Variants in SESN3 observed in about 807,000 individuals in gnomAD.
SESN3 encodes sestrin-3.
In SESN3, 21 loss-of-function variants were observed where a neutral mutation model predicts 55.3. That is an observed-to-expected ratio of 0.38 (90% CI 0.27 to 0.55). SESN3 has a LOEUF of 0.55. SESN3 is among the 20% of genes least tolerant of loss of function. SESN3 has a pLI of 0.76. For missense variants in SESN3, 408 were observed against 604.3 expected (o/e 0.68, Z 3.41); for synonymous variants, 181 against 203.1 (o/e 0.89, Z 0.93).
upstream of SESN3, chr11:95,231,935 T>C (rs1156270215): frequency 2.0e-5 from 3 of 152,204 alleles, no homozygotes; most frequent in East Asian, 5.8e-4. Flanking sequence ...ACAAAACCTC[T>C]GGTTTAGCGG....
Position 95,230,843 on chromosome 11 carries a change from G to A in SESN3, c.18C>T (p.Gly6=), listed in dbSNP as rs1461556384. 3.8e-6 allele frequency: 6 copies of A among 1,576,814 alleles called. No individual in the cohort carries two copies. The highest frequency in any genetic ancestry group is 4.3e-6 in the Non-Finnish European group (5 of 1,165,744). The change falls in exon 1 of 10, where the codon GGC becomes GGT. Residue 6 remains glycine (G), a synonymous_variant. Transcript: ENST00000536441. This position sits in a 1 kb window ranked among gnomAD's most constrained non-coding sequence, Gnocchi z 4.6. ...GGTAGTTGGCGGCGGCCGACGGGCTGCCGCCGCCCCGGTTCATCGTGGCTG... is the reference window on the plus strand; with the variant it reads ...GGTAGTTGGCGGCGGCCGACGGGCTACCGCCGCCCCGGTTCATCGTGGCTG... MNRGG[G]SPSAAANYLL...
At chr11:95,182,461 C>T (rs1860074754) in intron 6 of SESN3, among the ~76,000 whole-genome samples, 1 of 152,142 alleles carries the variant, frequency 6.6e-6, no homozygotes, top group Non-Finnish European at 1.5e-5. Context: ...GATTTCCCAT[C>T]TCTTCTACCC....
intron 4 of SESN3, 57 bp from the exon 5 acceptor site, chr11:95,185,549 AT>A: frequency 9.1e-7 from 1 of 1,097,760 alleles, no homozygotes; most frequent in South Asian, 1.3e-5. Context: ...CTACAAAGAA[AT>A]TTCAATGAAA....
Position 95,230,881 on chromosome 11 carries a change from CGA to C in SESN3, c.-23_-22del. On this transcript the variant is annotated 5_prime_UTR_variant, in exon 1 of 10. Coordinates refer to ENST00000536441, the MANE Select transcript of SESN3 (RefSeq NM_144665.4). The surrounding 1 kb of genome is among the most constrained non-coding windows in gnomAD (Gnocchi z 4.6). ...TTCATCGTGGCTGCGGGCGCCGAGGCGAGAGCGGGCGGAGGGCCGGGTCCGGG... is the reference window on the plus strand; with the variant it reads ...TTCATCGTGGCTGCGGGCGCCGAGGCGAGCGGGCGGAGGGCCGGGTCCGGG... 1 of 1,543,538 alleles carries C rather than the reference CGA, an allele frequency of 6.5e-7. No homozygotes were observed. Among genetic ancestry groups the C allele is most frequent in the Non-Finnish European group, 8.7e-7 (1 of 1,152,178 alleles).
intron 6 of SESN3, among the ~76,000 whole-genome samples, chr11:95,179,857 G>C (rs1256941933): frequency 6.6e-6 from 1 of 152,114 alleles, no homozygotes; most frequent in African/African-American, 2.4e-5. Context: ...TGGCATTCAG[G>C]AAGATAGCAA....
chr11:95,175,431 T>C, intron 9 of SESN3, 67 bp downstream of exon 9: 2 of 1,309,612 alleles, frequency 1.5e-6, no homozygotes, highest in Non-Finnish European at 2.1e-6. Flanking sequence ...TGTGTCATTT[T>C]TCATAACTAT....
intron 1 of SESN3, among the ~76,000 whole-genome samples, chr11:95,194,711 T>C (rs1371113898): frequency 1.3e-5 from 2 of 152,114 alleles, no homozygotes; most frequent in Non-Finnish European, 2.9e-5. Context: ...GATTCCAATA[T>C]TGGTATTTCT....
At chr11:95,201,003 A>G (rs1825602399) in intron 1 of SESN3, 1 of 152,066 alleles carries the variant, frequency 6.6e-6, no homozygotes, top group Admixed American at 6.6e-5. Context: ...AATGGTGTAC[A>G]TGTGAGGTAA....
chr11:95,215,864 C>T (rs1051065014), intron 1 of SESN3, among the ~76,000 whole-genome samples: 10 of 151,766 alleles, frequency 6.6e-5, no homozygotes, highest in Admixed American at 6.6e-5. Context: ...TTTGGGAGGC[C>T]GAGGCGGGCG....
At chr11:95,218,578 A>AG (rs1860801922) in intron 1 of SESN3, among the ~76,000 whole-genome samples, 1 of 152,164 alleles carries the variant, frequency 6.6e-6, no homozygotes, top group Non-Finnish European at 1.5e-5. Context: ...AGCATAAAAT[A>AG]GCAATCTGTA....
At chr11:95,213,495 C>CA (rs1860697256) in intron 1 of SESN3, among the ~76,000 whole-genome samples, 1 of 152,076 alleles carries the variant, frequency 6.6e-6, no homozygotes, top group Non-Finnish European at 1.5e-5. Flanking sequence ...GCTAGGTGAA[C>CA]AAGCAGCTAG....
At position 95,167,138 on chromosome 11, in the gene SESN3, T is replaced by C. The variant is rs1369308278; in HGVS notation, c.*6117A>G. ...GAGATGTATAATAAGTTTTATTCTG[T>C]AAGTTTCATAATGTATGCACTTAAC... is the stretch of plus-strand genomic sequence containing the variant. On this transcript the variant is annotated 3_prime_UTR_variant, in exon 10 of 10. Transcript: ENST00000536441. 2 of 152,180 alleles carry C rather than the reference T, an allele frequency of 1.3e-5. No homozygotes were observed. Among genetic ancestry groups the C allele is most frequent in the African/African-American group, 4.8e-5 (2 of 41,450 alleles). The allele number at this position is 152,180 out of a possible 1,614,324, so 9.4% of individuals were successfully genotyped here.
rs1859864395 is a variant in SESN3, at chr11:95,172,201, C to T, written c.*1054G>A. ...TCAATCACATTAATGCATAGAAACA[C>T]AATTTTTACCTTTGAAAAATAAACT... is the stretch of plus-strand genomic sequence containing the variant. On this transcript the variant is annotated 3_prime_UTR_variant, in exon 10 of 10. Transcript: ENST00000536441. 1 of 152,064 alleles carries T rather than the reference C, an allele frequency of 6.6e-6. No homozygotes were observed. The highest frequency in any genetic ancestry group is 2.1e-4 in the South Asian group (1 of 4,836). 9.4% of individuals were successfully genotyped at this position (152,064 alleles called of 1,614,324 possible).
intron 7 of SESN3, 78 bp downstream of exon 7, chr11:95,178,632 C>T: frequency 1.1e-6 from 1 of 893,974 alleles, no homozygotes. Flanking sequence ...TTGTTTAGTG[C>T]CAATTTTTAA....
intron 1 of SESN3, among the ~76,000 whole-genome samples, chr11:95,229,792 C>G (rs1005800821): frequency 6.6e-6 from 1 of 152,206 alleles, no homozygotes; most frequent in Admixed American, 6.5e-5. Flanking sequence ...CACAGCTCAG[C>G]AATTTTAATT....
At chr11:95,203,303 T>C (rs1016796228) in intron 1 of SESN3, among the ~76,000 whole-genome samples, 9 of 152,128 alleles carry the variant, frequency 5.9e-5, no homozygotes, top group African/African-American at 2.2e-4. Context: ...TCTAGAGATT[T>C]ACAAAACAAA....
At chr11:95,174,853 A>C (rs951304333) in intron 9 of SESN3, among the ~76,000 whole-genome samples, 3 of 152,056 alleles carry the variant, frequency 2.0e-5, no homozygotes, top group African/African-American at 7.2e-5. Context: ...TTTTGGTTAT[A>C]TGCTTTGTTC....
chr11:95,209,599 T>C (rs1481680894), intron 1 of SESN3, among the ~76,000 whole-genome samples: 1 of 151,370 alleles, frequency 6.6e-6, no homozygotes, highest in African/African-American at 2.4e-5. Context: ...CATATGCACA[T>C]GTATGTTTAC....
At chr11:95,210,606 C>G (rs1243504357) in intron 1 of SESN3, among the ~76,000 whole-genome samples, 1 of 152,040 alleles carries the variant, frequency 6.6e-6, no homozygotes. Flanking sequence ...CAAATCATTC[C>G]CTAATACATC....
Sources: gnomAD v4.1 joint callset for allele counts (sites outside exome capture counted in the v4.1 genomes callset) on GRCh38, gnomAD v4.1.1 for gene constraint, Gnocchi (gnomAD v3.1) non-coding constraint, MANE v1.5 for transcripts, NCBI Gene and HGNC (gene_info 2026-07-23, HGNC 2026-07-21) for gene names.